NOX4: variants seen among roughly 807,000 people sequenced by gnomAD.
The protein encoded by NOX4 is kidney oxidase-1.
Under a neutral mutation model 87.6 loss-of-function variants are expected in NOX4, and 69 were observed. That is an observed-to-expected ratio of 0.79 (90% CI 0.65 to 0.96). The LOEUF (loss-of-function observed/expected upper bound fraction) is 0.96. Among genes scored for constraint, NOX4 ranks in the 40% least tolerant of loss-of-function variants. NOX4 has a pLI of 0.00. For synonymous variants in NOX4, 275 were observed against 238.2 expected (o/e 1.15, Z -1.42); for missense variants, 680 against 681.5 (o/e 1.00, Z 0.02).
the NOX4 span, among the ~76,000 whole-genome samples, chr11:89,523,085 C>T: frequency 6.6e-5 from 10 of 151,750 alleles, no homozygotes; most frequent in Non-Finnish European, 1.2e-4. Context: ...AATGCAGTGG[C>T]GCGATTTTGG....
intron 13 of NOX4, among the ~76,000 whole-genome samples, chr11:89,348,614 C>T (rs1052178321): frequency 2.6e-5 from 4 of 152,110 alleles, no homozygotes; most frequent in African/African-American, 9.7e-5. Context: ...GAGACCTTGC[C>T]TCAGAAGACA....
At position 89,367,790 on chromosome 11, in the gene NOX4, C is replaced by T. The variant is rs536087017; in HGVS notation, c.1135+5642G>A. On this transcript the variant is annotated intron_variant, in intron 12 of 17. Transcript: ENST00000263317. ...TTTGGGAAACGACCAAGTTTCATAGCAAGATCTACAAGCTCTTCCTTGGCC... is the reference window on the plus strand; with the variant it reads ...TTTGGGAAACGACCAAGTTTCATAGTAAGATCTACAAGCTCTTCCTTGGCC... Among the ~76,000 whole-genome samples, 10 of 152,192 alleles carry T rather than the reference C, an allele frequency of 6.6e-5. No individual in the cohort carries two copies. The South Asian group carries it at 2.1e-3, about 32-fold the overall frequency.
At chr11:89,346,215 T>G (rs1240985998) in intron 13 of NOX4, among the ~76,000 whole-genome samples, 1 of 152,170 alleles carries the variant, frequency 6.6e-6, no homozygotes, top group African/African-American at 2.4e-5. Context: ...AATCTCATGT[T>G]AAAAGGAACA....
At chr11:89,457,198 T>G (rs1398150580) in intron 2 of NOX4, among the ~76,000 whole-genome samples, 1 of 152,174 alleles carries the variant, frequency 6.6e-6, no homozygotes, top group Non-Finnish European at 1.5e-5. Flanking sequence ...AGCCAGTACG[T>G]GTGTGTGAAT....
intron 7 of NOX4, among the ~76,000 whole-genome samples, chr11:89,423,870 A>G (rs746361290): frequency 1.3e-5 from 2 of 151,984 alleles, no homozygotes; most frequent in South Asian, 2.1e-4. Context: ...CCTGGAAAAC[A>G]TATTGAAACC....
intron 2 of NOX4, among the ~76,000 whole-genome samples, chr11:89,456,246 C>A (rs186246409): frequency 2.6e-5 from 4 of 151,802 alleles, no homozygotes; most frequent in African/African-American, 4.8e-5. Flanking sequence ...TCTAAGCAAG[C>A]TTCAAAAAGA....
At chr11:89,410,443 G>C (rs191056292) in intron 8 of NOX4, among the ~76,000 whole-genome samples, 1 of 152,214 alleles carries the variant, frequency 6.6e-6, no homozygotes, top group East Asian at 1.9e-4. Context: ...TACTGAGTGA[G>C]TGATATGTGA....
At chr11:89,564,858 A>T in the NOX4 span, among the ~76,000 whole-genome samples, 1 of 152,086 alleles carries the variant, frequency 6.6e-6, no homozygotes, top group Admixed American at 6.6e-5. Flanking sequence ...CCACTCATCT[A>T]GAACCAGATC....
At chr11:89,502,267 G>A (rs945581303), upstream of NOX4, among the ~76,000 whole-genome samples, 5 of 151,928 alleles carry the variant, frequency 3.3e-5, no homozygotes, top group South Asian at 2.1e-4. Flanking sequence ...GAGTCTTATC[G>A]GAACACAGAA....
chr11:89,441,983 A>ATCAATAATTTT (rs1944477682), intron 5 of NOX4, among the ~76,000 whole-genome samples: 4 of 147,530 alleles, frequency 2.7e-5, no homozygotes, highest in Admixed American at 2.0e-4. Context: ...TCAATATATA[A>ATCAATAATTTT]ATATATCAAT....
intron 8 of NOX4, among the ~76,000 whole-genome samples, chr11:89,405,080 T>TTGTGTGTGTGTGTGTGTGTGTG (rs71472257): frequency 0.024 from 3,170 of 133,140 alleles, 91 homozygotes; most frequent in African/African-American, 0.049. Flanking sequence ...AAAAGTCAGA[T>TTGTGTGTGTGTGTGTGTGTGTG]TGTGTGTGTG....
At chr11:89,432,438 A>G (rs1024087874) in intron 7 of NOX4, among the ~76,000 whole-genome samples, 1 of 152,118 alleles carries the variant, frequency 6.6e-6, no homozygotes, top group African/African-American at 2.4e-5. Flanking sequence ...TAAGTCACAT[A>G]TTCCTAGGAA....
At chr11:89,332,415 A>G (rs1358447554) in intron 17 of NOX4, among the ~76,000 whole-genome samples, 3 of 151,920 alleles carry the variant, frequency 2.0e-5, no homozygotes, top group African/African-American at 7.2e-5. Flanking sequence ...TAAACTTCAC[A>G]GCTCAAAACA....
At chr11:89,497,275 G>T (rs932031184) in intron 1 of NOX4, among the ~76,000 whole-genome samples, 1 of 152,152 alleles carries the variant, frequency 6.6e-6, no homozygotes, top group Non-Finnish European at 1.5e-5. Flanking sequence ...CTGTATGTGT[G>T]TGAAATGTTA....
intron 1 of NOX4, among the ~76,000 whole-genome samples, chr11:89,497,741 T>A (rs1156258312): frequency 6.6e-6 from 1 of 152,192 alleles, no homozygotes. Context: ...TGTTCATTCT[T>A]GTTTTCCCAG....
chr11:89,385,327 C>T (rs1161094494), intron 11 of NOX4, among the ~76,000 whole-genome samples: 2 of 152,146 alleles, frequency 1.3e-5, no homozygotes, highest in Non-Finnish European at 2.9e-5. Context: ...GGCATCAGAT[C>T]CCATCCCTCA....
chr11:89,459,949 C>G (rs936223620), intron 2 of NOX4, among the ~76,000 whole-genome samples: 8 of 152,042 alleles, frequency 5.3e-5, no homozygotes, highest in Non-Finnish European at 2.9e-5. Context: ...CACGGTACTG[C>G]TACCAAAACA....
At position 89,325,378 on chromosome 11, in the gene NOX4, C is replaced by T. The variant is rs1253158195; in HGVS notation, c.*1378G>A. On this transcript the variant is annotated 3_prime_UTR_variant, in exon 18 of 18. Transcript: ENST00000263317. ...CCTCGTGATCCACCTGCCTTGGCCT[C>T]CCAAAGTGCCGGGATTACAGGCGTG... 1.3e-5 allele frequency: 2 copies of T among 151,992 alleles called. No homozygotes were observed. The highest frequency in any genetic ancestry group is 1.9e-4 in the East Asian group (1 of 5,162). The allele number at this position is 151,992 out of a possible 1,614,324, so 9.4% of individuals were successfully genotyped here.
At chr11:89,529,986 T>G in the NOX4 span, among the ~76,000 whole-genome samples, 1 of 152,134 alleles carries the variant, frequency 6.6e-6, no homozygotes, top group Admixed American at 6.5e-5. Context: ...AGAACTGTAA[T>G]GGCAAATATC....
Sources: gnomAD v4.1 joint callset for allele counts (sites outside exome capture counted in the v4.1 genomes callset) on GRCh38, gnomAD v4.1.1 for gene constraint, MANE v1.5 for transcripts, NCBI Gene and HGNC (gene_info 2026-07-23, HGNC 2026-07-21) for gene names.